The following UBXN2A variants were observed in gnomAD, a reference collection of about 807,000 sequenced individuals.
UBXN2A encodes the protein UBX domain-containing protein 2A.
A neutral mutation model predicts 28.4 loss-of-function variants in UBXN2A; 28 were observed. That is an observed-to-expected ratio of 0.99 (90% CI 0.73 to 1.35). UBXN2A has a LOEUF of 1.35. Ranked by LOEUF, UBXN2A falls within the 40% of genes most tolerant of loss-of-function variation. UBXN2A has a pLI of 0.00. For missense variants in UBXN2A, 253 were observed against 297.9 expected (o/e 0.85, Z 1.11); for synonymous variants, 97 against 103.6 (o/e 0.94, Z 0.39).
intron 1 of UBXN2A, among the ~76,000 whole-genome samples, chr2:23,949,115 T>C (rs1247493464): frequency 6.9e-6 from 1 of 143,974 alleles, no homozygotes; most frequent in Non-Finnish European, 1.5e-5. Flanking sequence ...TATTTTTTTT[T>C]CTTTTTTTTT....
intron 2 of UBXN2A, among the ~76,000 whole-genome samples, chr2:23,961,308 C>G (rs756495286): frequency 6.6e-5 from 10 of 151,322 alleles, no homozygotes; most frequent in Non-Finnish European, 1.3e-4. Flanking sequence ...GTTGTCCAGG[C>G]TGATCTCGAA....
chr2:23,945,498 G>T (rs1261592056), intron 1 of UBXN2A, among the ~76,000 whole-genome samples: 1 of 152,096 alleles, frequency 6.6e-6, no homozygotes, highest in Non-Finnish European at 1.5e-5. Context: ...GGAGGCTTGG[G>T]GGCCTAATCA....
rs775883351 is a variant in UBXN2A at position 23,999,765 on chromosome 2, G to T, written c.678G>T (p.Leu226Phe). Residue 226 changes from leucine (L) to phenylalanine (F), a missense_variant, in exon 7 of 7, where the codon TTG becomes TTT. Coordinates refer to ENST00000309033, the MANE Select transcript of UBXN2A (RefSeq NM_181713.4). ...SLATALPVLRLLDETLTLEEA... is the reference protein window; with the variant it reads ...SLATALPVLRFLDETLTLEEA... ...CAACAGCTCTTCCTGTCCTCAGGTT[G>T]CTAGATGAGACACTCACACTGGAAG... 7.4e-6 allele frequency: 12 copies of T among 1,614,038 alleles called. No homozygotes were observed. The African/African-American group carries it at 1.5e-4, about 20-fold the overall frequency.
chr2:23,984,084 A>G (rs1708026991), intron 5 of UBXN2A, among the ~76,000 whole-genome samples: 1 of 152,326 alleles, frequency 6.6e-6, no homozygotes, highest in South Asian at 2.1e-4. Context: ...AAAGCCTTAA[A>G]TTATTTTCAA....
chr2:23,948,748 G>A (rs1706217989), intron 1 of UBXN2A, among the ~76,000 whole-genome samples: 1 of 152,148 alleles, frequency 6.6e-6, no homozygotes, highest in South Asian at 2.1e-4. Flanking sequence ...GATGTAGCCA[G>A]TATTCCAGTA....
At chr2:23,928,702 A>G (rs1042912943) in intron 1 of UBXN2A, among the ~76,000 whole-genome samples, 1 of 152,232 alleles carries the variant, frequency 6.6e-6, no homozygotes. Flanking sequence ...AAAATGACCA[A>G]ATGGCATCAA....
chr2:23,959,402 G>T (rs1405332972), intron 2 of UBXN2A, among the ~76,000 whole-genome samples: 1 of 152,114 alleles, frequency 6.6e-6, no homozygotes, highest in Non-Finnish European at 1.5e-5. Context: ...TGAGGCAGGA[G>T]AATTGCTTGA....
intron 5 of UBXN2A, among the ~76,000 whole-genome samples, chr2:23,983,322 A>T (rs757611975): frequency 7.9e-5 from 12 of 152,118 alleles, no homozygotes; most frequent in Non-Finnish European, 1.5e-4. Flanking sequence ...CCTGACCAAC[A>T]TGGAGAAACC....
rs559224764 is a variant in UBXN2A at position 23,953,790 on chromosome 2, A to G, written c.-14-4511A>G. ...TGCATTCTTGTGATATCATCTGATT[A>G]TGCTCCTTTGTGCCCTGTATTTCCT... On this transcript the variant is annotated intron_variant, in intron 1 of 6. Coordinates refer to ENST00000309033, the MANE Select transcript of UBXN2A (RefSeq NM_181713.4). 7.2e-4 allele frequency among the ~76,000 whole-genome samples: 110 copies of G among 152,278 alleles called. 1 individual carries two copies. The South Asian group carries it at 0.011, about 15-fold the overall frequency.
intron 2 of UBXN2A, among the ~76,000 whole-genome samples, chr2:23,963,194 G>A (rs1013046323): frequency 2.6e-5 from 4 of 152,084 alleles, no homozygotes; most frequent in African/African-American, 9.7e-5. Context: ...TGGGGACACA[G>A]CCAAACCGTA....
chr2:23,968,727 GTATAAAAGTATGATTTATAATACTT>G (rs1442417945), intron 2 of UBXN2A, among the ~76,000 whole-genome samples: 4 of 150,714 alleles, frequency 2.7e-5, no homozygotes, highest in Non-Finnish European at 5.9e-5. Flanking sequence ...AGTATAAGAG[GTATAAAAGTATGATTTATAATACTT>G]TATAAAAGTA....
intron 3 of UBXN2A, among the ~76,000 whole-genome samples, chr2:23,971,958 G>A (rs1001704345): frequency 7.9e-5 from 12 of 151,970 alleles, no homozygotes; most frequent in Non-Finnish European, 1.6e-4. Context: ...AATTAACTGG[G>A]CGTGGTGCCA....
rs796322675 is a variant in UBXN2A, at chr2:23,974,240, A to G, written c.181-2729A>G. Among the ~76,000 whole-genome samples, 12 of 148,050 alleles carry G rather than the reference A, an allele frequency of 8.1e-5. 1 individual carries two copies. The highest frequency in any genetic ancestry group is 2.7e-4 in the African/African-American group (11 of 40,062). ...CACCCTGTTAGTCAGGATGGTCTTGATCTCCTGACCTCGTGATCCGCCCGC... is the reference window on the plus strand; with the variant it reads ...CACCCTGTTAGTCAGGATGGTCTTGGTCTCCTGACCTCGTGATCCGCCCGC... On this transcript the variant is annotated intron_variant, in intron 3 of 6. Coordinates refer to ENST00000309033, the MANE Select transcript of UBXN2A (RefSeq NM_181713.4).
intron 2 of UBXN2A, among the ~76,000 whole-genome samples, chr2:23,968,033 C>A (rs1400115247): frequency 2.0e-5 from 3 of 151,912 alleles, no homozygotes; most frequent in African/African-American, 7.3e-5. Flanking sequence ...ACTACAGCCT[C>A]AAACTCCTGG....
At chr2:23,946,224 G>C (rs1291131111) in intron 1 of UBXN2A, among the ~76,000 whole-genome samples, 2 of 152,010 alleles carry the variant, frequency 1.3e-5, no homozygotes, top group South Asian at 2.1e-4. Flanking sequence ...TGCAATCTCA[G>C]TTCACTGCAA....
chr2:23,942,486 C>T (rs1016531566), intron 1 of UBXN2A, among the ~76,000 whole-genome samples: 1 of 143,022 alleles, frequency 7.0e-6, no homozygotes, highest in African/African-American at 2.6e-5. Flanking sequence ...TGCAGCGGCA[C>T]GATCTTGGCT....
At chr2:23,969,398 C>T (rs1707315665) in intron 2 of UBXN2A, among the ~76,000 whole-genome samples, 2 of 151,868 alleles carry the variant, frequency 1.3e-5, no homozygotes, top group South Asian at 2.1e-4. Context: ...TGTATTTGCT[C>T]TGTTGCCAGG....
intron 3 of UBXN2A, among the ~76,000 whole-genome samples, chr2:23,973,413 A>G (rs1253834991): frequency 6.9e-6 from 1 of 145,028 alleles, no homozygotes; most frequent in Non-Finnish European, 1.5e-5. Context: ...ATCTCTGCTC[A>G]CTGTAAGCTC....
chr2:23,932,508 G>A (rs1285294521), intron 1 of UBXN2A, among the ~76,000 whole-genome samples: 1 of 151,684 alleles, frequency 6.6e-6, no homozygotes, highest in East Asian at 1.9e-4. Flanking sequence ...AAGGAGAACT[G>A]CCCACCTTTC....
Sources: allele counts gnomAD v4.1 joint callset (sites outside exome capture counted in the v4.1 genomes callset), GRCh38; gene constraint gnomAD v4.1.1; transcripts MANE v1.5; gene names NCBI Gene and HGNC (gene_info 2026-07-23, HGNC 2026-07-21).